SACM1L: variants seen among roughly 807,000 people sequenced by gnomAD.
SACM1L encodes phosphatidylinositol-3-phosphatase SAC1.
In SACM1L, 32 loss-of-function variants were observed where a neutral mutation model predicts 89.5. The observed-to-expected ratio is 0.36, with a 90% CI of 0.27 to 0.48. The LOEUF is 0.48. Among genes scored for constraint, SACM1L ranks in the 20% least tolerant of loss-of-function variants. The pLI, the probability that SACM1L is intolerant of heterozygous loss-of-function variation, is 0.99. For missense variants in SACM1L, 543 were observed against 708.5 expected, an observed-to-expected ratio of 0.77 and a Z score of 2.65; for synonymous variants, 213 against 232.8, an observed-to-expected ratio of 0.92 and a Z score of 0.77.
chr3:45,697,586 T>C (rs942080106), intron 1 of SACM1L, among the ~76,000 whole-genome samples: 2 of 152,194 alleles, frequency 1.3e-5, no homozygotes, highest in African/African-American at 4.8e-5. Flanking sequence ...ACTTTTTCTT[T>C]TTTATGCCAT....
rs1009423861 is a variant in SACM1L at position 45,724,384 on chromosome 3, A to G, written c.921+841A>G. ...GTGGAGTGGTGTTGAGTTGATTTACATTTCTCTAATGATTTGTGTGATTTT... is the reference window on the plus strand; with the variant it reads ...GTGGAGTGGTGTTGAGTTGATTTACGTTTCTCTAATGATTTGTGTGATTTT... On this transcript the variant is annotated intron_variant, in intron 11 of 19. Coordinates refer to ENST00000389061, the MANE Select transcript of SACM1L (RefSeq NM_014016.5). Among the ~76,000 whole-genome samples the G allele has an allele frequency of 2.7e-5, 4 of 150,896 alleles. No individual in the cohort carries two copies. The East Asian group carries it at 7.8e-4, about 30-fold the overall frequency.
intron 1 of SACM1L, among the ~76,000 whole-genome samples, chr3:45,698,282 TG>T (rs2125682341): frequency 6.6e-6 from 1 of 152,346 alleles, no homozygotes; most frequent in Non-Finnish European, 1.5e-5. Flanking sequence ...CCTGCTGTTA[TG>T]GTTAACAGAA....
At chr3:45,735,118 C>G in intron 13 of SACM1L, 117 bp from the exon 14 acceptor site, 1 of 1,004,262 alleles carries the variant, frequency 1.0e-6, no homozygotes, top group Admixed American at 2.9e-5. Flanking sequence ...TCCTGTCTGA[C>G]CTTTTAATTT....
intron 11 of SACM1L, chr3:45,730,529 T>G (rs1226596381): frequency 2.0e-5 from 3 of 152,380 alleles, no homozygotes; most frequent in Admixed American, 2.0e-4. Flanking sequence ...AACAACCCTG[T>G]CCCCCATTCT....
At chr3:45,697,015 T>TA in intron 1 of SACM1L, among the ~76,000 whole-genome samples, 1 of 152,282 alleles carries the variant, frequency 6.6e-6, no homozygotes, top group Admixed American at 6.5e-5. Flanking sequence ...TTGTTGCATT[T>TA]AGCTTTTAGT....
chr3:45,710,217 T>C (rs1575393856), intron 5 of SACM1L, among the ~76,000 whole-genome samples: 1 of 151,984 alleles, frequency 6.6e-6, no homozygotes, highest in African/African-American at 2.4e-5. Context: ...TTTTTTTTCT[T>C]TGAGACAGAG....
chr3:45,698,956 A>G (rs901412600), intron 1 of SACM1L, among the ~76,000 whole-genome samples: 1 of 152,026 alleles, frequency 6.6e-6, no homozygotes, highest in Non-Finnish European at 1.5e-5. Flanking sequence ...TTTGTATTTT[A>G]GTAGAGACGG....
chr3:45,699,964 T>A (rs1698228544), intron 1 of SACM1L, among the ~76,000 whole-genome samples: 1 of 152,232 alleles, frequency 6.6e-6, no homozygotes, highest in Admixed American at 6.5e-5. Context: ...ACCTCCAAAG[T>A]TGTATGTGGA....
In SACM1L at chr3:45,731,354, G is replaced by C; in HGVS notation, c.975G>C (p.Val325=). The C allele has an allele frequency of 6.2e-7, 1 of 1,613,320 alleles. No individual in the cohort carries two copies. The highest frequency in any genetic ancestry group is 1.3e-5 in the African/African-American group (1 of 75,038). Residue 325 remains valine, a synonymous_variant, in exon 12 of 20, where the codon GTG becomes GTC. Transcript: ENST00000389061. ...TTGAGCAGACATTTGCAACAATGGT[G>C]TCTTCCTTGGGAAGTGGAATGATGA... ...KPLEQTFATM[V]SSLGSGMMRY...
At chr3:45,695,513 G>A (rs1343188293) in intron 1 of SACM1L, among the ~76,000 whole-genome samples, 5 of 152,028 alleles carry the variant, frequency 3.3e-5, no homozygotes, top group East Asian at 1.9e-4. Context: ...CACCTGCCTC[G>A]GCCTCCCAAA....
In SACM1L at chr3:45,735,274, C is replaced by G. The variant is rs1285195754; in HGVS notation, c.1140C>G (p.Asn380Lys). The G allele has an allele frequency of 1.2e-6, 2 of 1,612,810 alleles. No homozygotes were observed. Among genetic ancestry groups the G allele is most frequent in the Non-Finnish European group, 1.7e-6 (2 of 1,179,784 alleles). The change falls in exon 14 of 20, where the codon AAC (asparagine) becomes AAG (lysine). Residue 380 changes from asparagine to lysine, a missense_variant. Coordinates refer to ENST00000389061, the MANE Select transcript of SACM1L (RefSeq NM_014016.5). ...LVDSAGQVVA[N>K]QEGVFRSNCM... is the part of the protein sequence containing the mutation. ...ACTCTGCTGGCCAGGTGGTGGCAAACCAGGAAGGCGTGTTCCGAAGCAATT... is the reference window on the plus strand; with the variant it reads ...ACTCTGCTGGCCAGGTGGTGGCAAAGCAGGAAGGCGTGTTCCGAAGCAATT...
At chr3:45,734,125 T>C (rs1699141054) in intron 13 of SACM1L, among the ~76,000 whole-genome samples, 1 of 150,982 alleles carries the variant, frequency 6.6e-6, no homozygotes, top group South Asian at 2.1e-4. Context: ...TTTTTTTTTT[T>C]TTTTTGGCTG....
intron 8 of SACM1L, 91 bp from the exon 9 acceptor site, chr3:45,721,909 A>G: frequency 1.2e-6 from 1 of 815,508 alleles, no homozygotes; most frequent in South Asian, 1.5e-5. Context: ...GAACTGACTT[A>G]ATTCTCTCCA....
intron 4 of SACM1L, 26 bp downstream of exon 4, chr3:45,706,933 T>C (rs772469918): frequency 6.2e-7 from 1 of 1,609,872 alleles, no homozygotes; most frequent in Non-Finnish European, 8.5e-7. Flanking sequence ...TGTTACTAAT[T>C]GCAGCGCCCA....
intron 4 of SACM1L, 146 bp from the exon 5 acceptor site, chr3:45,709,352 A>C (rs1698469896): frequency 3.1e-6 from 2 of 634,962 alleles, no homozygotes; most frequent in Admixed American, 6.4e-5. Context: ...TCCCAGGGAA[A>C]TGGCGAGCAT....
chr3:45,697,034 C>T (rs1262811807), intron 1 of SACM1L, among the ~76,000 whole-genome samples: 3 of 152,046 alleles, frequency 2.0e-5, no homozygotes, highest in Non-Finnish European at 2.9e-5. Flanking sequence ...GTCCCAGTTC[C>T]ACTTCTGGGA....
chr3:45,731,614 C>G (rs1490266536), intron 12 of SACM1L, among the ~76,000 whole-genome samples: 1 of 152,124 alleles, frequency 6.6e-6, no homozygotes. Context: ...CTCATTGAGG[C>G]TTTGTGCTCC....
chr3:45,695,682 T>G (rs1009553601), intron 1 of SACM1L, among the ~76,000 whole-genome samples: 1 of 152,206 alleles, frequency 6.6e-6, no homozygotes, highest in African/African-American at 2.4e-5. Flanking sequence ...AAATAAAACA[T>G]TAAATTTACC....
intron 11 of SACM1L, among the ~76,000 whole-genome samples, chr3:45,724,884 T>G (rs758112644): frequency 6.6e-6 from 1 of 152,034 alleles, no homozygotes; most frequent in African/African-American, 2.4e-5. Flanking sequence ...GGTGTAAGGG[T>G]CCAACTTCAT....
Sources: allele counts gnomAD v4.1 joint callset (sites outside exome capture counted in the v4.1 genomes callset), GRCh38; gene constraint gnomAD v4.1.1; transcripts MANE v1.5; gene names NCBI Gene and HGNC (gene_info 2026-07-23, HGNC 2026-07-21).